ARIH1: variants seen among roughly 807,000 people sequenced by gnomAD.
The protein encoded by ARIH1 is ariadne RBR E3 ubiquitin protein ligase 1, also known as E3 ubiquitin-protein ligase ARIH1.
In ARIH1, 8 loss-of-function variants were observed where a neutral mutation model predicts 85.0. That is an observed-to-expected ratio of 0.09 (90% CI 0.06 to 0.17). ARIH1 has a LOEUF of 0.17. Among genes scored for constraint, ARIH1 ranks in the 10% least tolerant of loss-of-function variants. The probability of loss-of-function intolerance (pLI) is 1.00; values close to 1 mark genes in which losing one functional copy is unlikely to be tolerated. For synonymous variants in ARIH1, 238 were observed against 253.6 expected (o/e 0.94, Z 0.59); for missense variants, 311 against 718.1 (o/e 0.43, Z 6.48).
rs573781677 is a variant in ARIH1 at position 72,588,577 on chromosome 15, G to A, written c.*5285G>A. 3.3e-5 allele frequency: 5 copies of A among 152,240 alleles called. No individual in the cohort carries two copies. The South Asian group carries it at 6.2e-4, about 19-fold the overall frequency. 9.4% of individuals were successfully genotyped at this position (152,240 alleles called of 1,614,324 possible). ...ATAGTTGCAAAAAGAGAATATAGGC[G>A]AGCAACTCCAGATCATAAGGGACAA... On this transcript the variant is annotated 3_prime_UTR_variant, in exon 14 of 14. Coordinates refer to ENST00000379887, the MANE Select transcript of ARIH1 (RefSeq NM_005744.5).
chr15:72,540,537 GAA>G (rs2064102546), intron 2 of ARIH1, among the ~76,000 whole-genome samples: 1 of 151,996 alleles, frequency 6.6e-6, no homozygotes, highest in African/African-American at 2.4e-5. Flanking sequence ...TTTGGTAAAA[GAA>G]AAAGATTTCT....
At chr15:72,518,034 C>T (rs747226297) in intron 1 of ARIH1, 33 bp from the exon 2 acceptor site, 1 of 1,548,516 alleles carries the variant, frequency 6.5e-7, no homozygotes, top group Non-Finnish European at 8.9e-7. Context: ...GTGCTATTAC[C>T]TTAAAATGAC....
intron 1 of ARIH1, among the ~76,000 whole-genome samples, chr15:72,511,658 A>T (rs981848844): frequency 5.3e-5 from 8 of 152,066 alleles, no homozygotes; most frequent in Admixed American, 2.6e-4. Context: ...TTCTTCTAGG[A>T]ATTTTTTGTA....
At chr15:72,574,631 A>G (rs1233531027) in intron 11 of ARIH1, among the ~76,000 whole-genome samples, 2 of 152,244 alleles carry the variant, frequency 1.3e-5, no homozygotes, top group African/African-American at 4.8e-5. Flanking sequence ...AGGGTCAGCA[A>G]ACTTTTTCTG....
rs1285902327 is a variant in ARIH1, at chr15:72,474,576, G to A, written c.-64G>A. 2.7e-6 allele frequency: 4 copies of A among 1,474,034 alleles called. No homozygotes were observed. The highest frequency in any genetic ancestry group is 3.6e-6 in the Non-Finnish European group (4 of 1,115,994). 91.3% of individuals were successfully genotyped at this position (1,474,034 alleles called of 1,614,324 possible). ...AGCCGGAGCCGGAGCGAGAGCCGGGGCCTCGGCGTCCCCGCCCTCTCCCCG... is the reference window on the plus strand; with the variant it reads ...AGCCGGAGCCGGAGCGAGAGCCGGGACCTCGGCGTCCCCGCCCTCTCCCCG... On this transcript the variant is annotated 5_prime_UTR_variant, in exon 1 of 14. Transcript: ENST00000379887.
At chr15:72,533,334 T>C (rs2064066589) in intron 2 of ARIH1, among the ~76,000 whole-genome samples, 1 of 152,230 alleles carries the variant, frequency 6.6e-6, no homozygotes, top group Non-Finnish European at 1.5e-5. Flanking sequence ...TTCACCATGT[T>C]GGCCAGGCTG....
At chr15:72,563,607 G>A (rs111883800) in intron 7 of ARIH1, 107 bp downstream of exon 7, 469 of 876,958 alleles carry the variant, frequency 5.3e-4, no homozygotes, top group Non-Finnish European at 7.2e-4. Flanking sequence ...CTTAGGCAGG[G>A]AGATGTTTGA....
chr15:72,505,491 C>T (rs1054018800), intron 1 of ARIH1, among the ~76,000 whole-genome samples: 1 of 151,660 alleles, frequency 6.6e-6, no homozygotes, highest in South Asian at 2.1e-4. Context: ...TAGGCAGTCT[C>T]CTCTTGAAAA....
intron 2 of ARIH1, among the ~76,000 whole-genome samples, chr15:72,526,074 AC>A (rs1265126938): frequency 1.3e-5 from 2 of 152,222 alleles, no homozygotes; most frequent in Admixed American, 1.3e-4. Flanking sequence ...AAGGTTTGTA[AC>A]ATCGTATTTT....
At chr15:72,522,317 C>T (rs974511115) in intron 2 of ARIH1, among the ~76,000 whole-genome samples, 3 of 152,170 alleles carry the variant, frequency 2.0e-5, no homozygotes, top group African/African-American at 7.2e-5. Flanking sequence ...AGTTTGAGAC[C>T]AGCCTGGCCT....
At chr15:72,536,750 T>A (rs1009209770) in intron 2 of ARIH1, among the ~76,000 whole-genome samples, 1 of 152,208 alleles carries the variant, frequency 6.6e-6, no homozygotes. Flanking sequence ...CTAAAAAGGT[T>A]AAAGTATGCA....
chr15:72,564,558 T>TA (rs1326149911), intron 7 of ARIH1, among the ~76,000 whole-genome samples: 1 of 152,218 alleles, frequency 6.6e-6, no homozygotes, highest in Non-Finnish European at 1.5e-5. Context: ...AGCCTCTACT[T>TA]ACTACCTAGT....
chr15:72,475,036 G>A (rs772938536), intron 1 of ARIH1, 22 bp downstream of exon 1: 2 of 1,548,654 alleles, frequency 1.3e-6, no homozygotes, highest in South Asian at 2.4e-5. Context: ...CGCCGCGCCA[G>A]CTGGACCGGG....
chr15:72,578,576 A>G (rs961302722), intron 11 of ARIH1, among the ~76,000 whole-genome samples: 1 of 152,150 alleles, frequency 6.6e-6, no homozygotes, highest in Non-Finnish European at 1.5e-5. Flanking sequence ...TGCATTCATG[A>G]CAACTCTTTT....
chr15:72,524,787 C>T (rs903931824), intron 2 of ARIH1, among the ~76,000 whole-genome samples: 2 of 152,066 alleles, frequency 1.3e-5, no homozygotes, highest in Non-Finnish European at 2.9e-5. Flanking sequence ...TAACCCAGTT[C>T]CAAAATTTGA....
rs2064360553 is a variant in ARIH1 at position 72,595,670 on chromosome 15, A to G, written c.*12378A>G. 6.6e-6 allele frequency: 1 copy of G among 151,738 alleles called. No homozygotes were observed. 9.4% of individuals were successfully genotyped at this position (151,738 alleles called of 1,614,324 possible). ...ATTTTTCTTTTTCATTTTTGTAGAC[A>G]TGGAGTCTTGATATGTTGCCCAGAT... On this transcript the variant is annotated 3_prime_UTR_variant, in exon 14 of 14. Transcript: ENST00000379887.
rs1189645175 is a variant in ARIH1 at position 72,596,470 on chromosome 15, G to A, written c.*13178G>A. On this transcript the variant is annotated 3_prime_UTR_variant, in exon 14 of 14. Coordinates refer to ENST00000379887, the MANE Select transcript of ARIH1 (RefSeq NM_005744.5). The stretch of plus-strand genomic sequence containing the variant: ...AGAGTTTACTGAACTTCTTGGATCT[G>A]TGTTGATGTCTTTCATTAATATTGG... 1 of 152,142 alleles carries A rather than the reference G, an allele frequency of 6.6e-6. No individual in the cohort carries two copies. The highest frequency in any genetic ancestry group is 2.4e-5 in the African/African-American group (1 of 41,434). 9.4% of individuals were successfully genotyped at this position (152,142 alleles called of 1,614,324 possible).
chr15:72,516,478 CTG>C (rs1421846955), intron 1 of ARIH1, among the ~76,000 whole-genome samples: 2 of 152,168 alleles, frequency 1.3e-5, no homozygotes, highest in African/African-American at 4.8e-5. Flanking sequence ...GACAGTGTCT[CTG>C]TTTTCTGTTT....
intron 12 of ARIH1, chr15:72,581,571 T>G (rs960325003): frequency 1.3e-5 from 2 of 158,270 alleles, no homozygotes; most frequent in African/African-American, 4.8e-5. Flanking sequence ...CATAAAACAT[T>G]GATATCTGTA....
Sources: gnomAD v4.1 joint callset for allele counts (sites outside exome capture counted in the v4.1 genomes callset) on GRCh38, gnomAD v4.1.1 for gene constraint, MANE v1.5 for transcripts, NCBI Gene and HGNC (gene_info 2026-07-23, HGNC 2026-07-21) for gene names.